N4BP1: variants seen among roughly 807,000 people sequenced by gnomAD.
N4BP1 encodes NEDD4 binding protein 1.
In N4BP1, 21 loss-of-function variants were observed where a neutral mutation model predicts 70.9. The observed-to-expected ratio is 0.30, with a 90% CI of 0.21 to 0.43. The LOEUF (loss-of-function observed/expected upper bound fraction) is 0.43. Ranked by LOEUF, N4BP1 falls within the 20% of genes least tolerant of loss-of-function variation. N4BP1 has a pLI of 1.00. For synonymous variants in N4BP1, 387 were observed against 394.6 expected (o/e 0.98, Z 0.23); for missense variants, 936 against 1,069.4 (o/e 0.88, Z 1.74).
In N4BP1 at chr16:48,609,837, G is replaced by A. The variant is rs1490518679; in HGVS notation, c.136C>T (p.Pro46Ser). 1.7e-5 allele frequency: 26 copies of A among 1,488,172 alleles called. No homozygotes were observed. In the Admixed American group the frequency reaches 5.7e-4, roughly 32 times the overall value. The allele number at this position is 1,488,172 out of a possible 1,614,324, so 92.2% of individuals were successfully genotyped here. A position where few individuals can be genotyped will look rare whatever the true frequency, so the allele number is the denominator to read the frequency against. Reference sequence around the variant, plus strand: ...TGCAGCCAGATGCGCGCGGGCAGCGGCTCCTCAGCCCCTAGCGCGCCGAGC... The same window carrying A: ...TGCAGCCAGATGCGCGCGGGCAGCGACTCCTCAGCCCCTAGCGCGCCGAGC... ...AVLGALGAEE[P>S]LPARIWLQLC... The change falls in exon 1 of 7, where the codon CCG becomes TCG. Residue 46 changes from proline (P) to serine (S), a missense_variant. By Grantham distance (74) the Pro-to-Ser change is moderately conservative. Coordinates refer to ENST00000262384, the MANE Select transcript of N4BP1 (RefSeq NM_153029.4).
In N4BP1 at chr16:48,542,678, T is replaced by A; in HGVS notation, c.*226A>T. 1 of 422,130 alleles carries A rather than the reference T, an allele frequency of 2.4e-6. No homozygotes were observed. Among genetic ancestry groups the A allele is most frequent in the South Asian group, 6.7e-5 (1 of 14,824 alleles). 26.1% of individuals were successfully genotyped at this position (422,130 alleles called of 1,614,324 possible). A position where few individuals can be genotyped will look rare whatever the true frequency, so the allele number is the denominator to read the frequency against. On this transcript the variant is annotated 3_prime_UTR_variant, in exon 7 of 7. Transcript: ENST00000262384. ...TCTGAACAGGCAGAAAATGTAGACT[T>A]TCCTTTAACAGAAAATGTTAAATCT...
At position 48,610,071 on chromosome 16, in the gene N4BP1, C is replaced by G. The variant is rs1228889609; in HGVS notation, c.-99G>C. 1.5e-6 allele frequency: 1 copy of G among 683,814 alleles called. No homozygotes were observed. The highest frequency in any genetic ancestry group is 1.8e-6 in the Non-Finnish European group (1 of 549,822). The allele number at this position is 683,814 out of a possible 1,614,324, so 42.4% of individuals were successfully genotyped here. A position where few individuals can be genotyped will look rare whatever the true frequency, so the allele number is the denominator to read the frequency against. Reference sequence around the variant, plus strand: ...CCAAGCCAGTCAGGCGGCGTCGGCCCTTCCCGGCCGCCTCGCCCCCGCCCG... The same window carrying G: ...CCAAGCCAGTCAGGCGGCGTCGGCCGTTCCCGGCCGCCTCGCCCCCGCCCG... On this transcript the variant is annotated 5_prime_UTR_variant, in exon 1 of 7. Transcript: ENST00000262384.
intron 2 of N4BP1, among the ~76,000 whole-genome samples, chr16:48,556,454 G>A (rs1183643259): frequency 2.6e-5 from 4 of 152,062 alleles, no homozygotes; most frequent in African/African-American, 2.4e-5. Context: ...GGTCTATTTC[G>A]ACCCAAAGTA....
In N4BP1 at chr16:48,609,965, G is replaced by T; in HGVS notation, c.8C>A (p.Ala3Asp). The T allele has an allele frequency of 8.1e-7, 1 of 1,238,124 alleles. No individual in the cohort carries two copies. The highest frequency in any genetic ancestry group is 3.2e-5 in the South Asian group (1 of 30,884). The allele number at this position is 1,238,124 out of a possible 1,614,324, so 76.7% of individuals were successfully genotyped here. ...AGTGAACTCGTCCAGCACCGCCCGGGCCGCCATGGCGGGCGCGGCCTCCCG... is the reference window on the plus strand; with the variant it reads ...AGTGAACTCGTCCAGCACCGCCCGGTCCGCCATGGCGGGCGCGGCCTCCCG... MA[A>D]RAVLDEFTAP... Residue 3 changes from alanine to aspartate, a missense_variant, in exon 1 of 7, where the codon GCC becomes GAC. Ala to Asp is a moderately radical substitution (Grantham distance 126). Around this residue, in one of 4 missense-constraint regions of N4BP1, gnomAD observed 187 missense variants for 217.1 expected, o/e 0.86. Coordinates refer to ENST00000262384, the MANE Select transcript of N4BP1 (RefSeq NM_153029.4).
chr16:48,563,412 A>T (rs1388253910), intron 1 of N4BP1, among the ~76,000 whole-genome samples: 3 of 146,688 alleles, frequency 2.0e-5, no homozygotes, highest in Non-Finnish European at 3.0e-5. Context: ...TATATATATA[A>T]TTTTTTTTTT....
chr16:48,609,873 T>A lies in N4BP1; in HGVS notation c.100A>T (p.Ser34Cys). 6.7e-7 allele frequency: 1 copy of A among 1,484,900 alleles called. No homozygotes were observed. The highest frequency in any genetic ancestry group is 2.2e-5 in the Admixed American group (1 of 45,834). 92.0% of individuals were successfully genotyped at this position (1,484,900 alleles called of 1,614,324 possible). Residue 34 changes from serine to cysteine, a missense_variant, in exon 1 of 7, where the codon AGC (serine) becomes TGC (cysteine). Coordinates refer to ENST00000262384, the MANE Select transcript of N4BP1 (RefSeq NM_153029.4). ...CCTAGCGCGCCGAGCACGGCTAGGC[T>A]CACGCCAAACAGGCCCTCGATACGG... is the stretch of plus-strand genomic sequence containing the variant. ...RGRIEGLFGV[S>C]LAVLGALGAE...
At chr16:48,585,055 C>T (rs1836879555) in intron 1 of N4BP1, among the ~76,000 whole-genome samples, 1 of 151,992 alleles carries the variant, frequency 6.6e-6, no homozygotes, top group Non-Finnish European at 1.5e-5. Flanking sequence ...CCTCAGCCTC[C>T]CAAGTAGCTG....
intron 1 of N4BP1, among the ~76,000 whole-genome samples, chr16:48,588,625 A>G (rs1156711187): frequency 1.3e-5 from 2 of 152,110 alleles, no homozygotes; most frequent in African/African-American, 4.8e-5. Flanking sequence ...AGCAGGCCCA[A>G]TCAAGGATTA....
intron 1 of N4BP1, among the ~76,000 whole-genome samples, chr16:48,579,004 CAATGCCAAGAGACATT>C (rs1964138864): frequency 1.8e-5 from 1 of 55,898 alleles, no homozygotes; most frequent in African/African-American, 1.3e-4. Context: ...GGGCATTTGA[CAATGCCAAGAGACATT>C]TGACAATGCC....
At chr16:48,609,169 C>G (rs1964635413) in intron 1 of N4BP1, among the ~76,000 whole-genome samples, 1 of 152,042 alleles carries the variant, frequency 6.6e-6, no homozygotes, top group South Asian at 2.1e-4. Flanking sequence ...GAACTGAGAC[C>G]GCGCCACACT....
chr16:48,578,760 C>CAA (rs1964135307), intron 1 of N4BP1, among the ~76,000 whole-genome samples: 1 of 152,172 alleles, frequency 6.6e-6, no homozygotes, highest in Non-Finnish European at 1.5e-5. Context: ...CTTTAATGTG[C>CAA]TTATTTCTAT....
chr16:48,577,885 A>C (rs980050446), intron 1 of N4BP1: 2 of 156,408 alleles, frequency 1.3e-5, no homozygotes, highest in African/African-American at 4.8e-5. Flanking sequence ...GGGCTTGCTG[A>C]TCTTGTTCCC....
chr16:48,574,049 A>G (rs1275075280), intron 1 of N4BP1, among the ~76,000 whole-genome samples: 3 of 152,168 alleles, frequency 2.0e-5, no homozygotes, highest in East Asian at 1.9e-4. Context: ...TCAAGGGTCA[A>G]CTGCTTATGA....
intron 1 of N4BP1, among the ~76,000 whole-genome samples, chr16:48,598,127 G>A (rs113199779): frequency 6.3e-4 from 96 of 152,280 alleles, no homozygotes; most frequent in South Asian, 1.5e-3. Flanking sequence ...TAAAATGACT[G>A]GGACACTCGT....
chr16:48,547,127 A>G lies in N4BP1; in HGVS notation c.2226-873T>C, dbSNP rs1338868415. On this transcript the variant is annotated intron_variant, in intron 5 of 6. Coordinates refer to ENST00000262384, the MANE Select transcript of N4BP1 (RefSeq NM_153029.4). ...TTCTAAAATCTTCTAATAATTTAGG[A>G]AAATATAAATAACAGGCAAGGTGCA... Among the ~76,000 whole-genome samples, 3 of 152,240 alleles carry G rather than the reference A, an allele frequency of 2.0e-5. No homozygotes were observed. The East Asian group carries it at 5.8e-4, about 29-fold the overall frequency.
chr16:48,583,629 C>T (rs1413913493), intron 1 of N4BP1, among the ~76,000 whole-genome samples: 1 of 152,126 alleles, frequency 6.6e-6, no homozygotes, highest in Non-Finnish European at 1.5e-5. Flanking sequence ...TTATGTACTT[C>T]AAAACATCAT....
chr16:48,555,584 CTTTG>C (rs933713070), intron 2 of N4BP1, among the ~76,000 whole-genome samples: 1 of 152,118 alleles, frequency 6.6e-6, no homozygotes, highest in Admixed American at 6.5e-5. Flanking sequence ...TTCAGGAGTG[CTTTG>C]TTTATCTAAA....
chr16:48,544,663 CA>C (rs1038427594), intron 6 of N4BP1, among the ~76,000 whole-genome samples: 5 of 152,172 alleles, frequency 3.3e-5, no homozygotes, highest in African/African-American at 7.2e-5. Context: ...CCAACTACAA[CA>C]AAGAAAACCT....
At chr16:48,553,310 A>G (rs2291399) in intron 3 of N4BP1, among the ~76,000 whole-genome samples, 3,276 of 152,334 alleles carry the variant, frequency 0.022, 55 homozygotes, top group East Asian at 0.032. Flanking sequence ...AACTCTTAAT[A>G]TAACTTCCTG....
Sources: gnomAD v4.1 joint callset for allele counts (sites outside exome capture counted in the v4.1 genomes callset) on GRCh38, gnomAD v4.1.1 for gene constraint, gnomAD v4.1.1 regional missense constraint, MANE v1.5 for transcripts, NCBI Gene and HGNC (gene_info 2026-07-23, HGNC 2026-07-21) for gene names.